The following CMTM4 variants were observed in gnomAD, a reference collection of about 807,000 sequenced individuals.
CMTM4 encodes the protein CKLF like MARVEL transmembrane domain containing 4.
In CMTM4, 8 loss-of-function variants were observed where a neutral mutation model predicts 19.0. The ratio of observed to expected loss-of-function variants is 0.42; its 90% confidence interval spans 0.25 to 0.76. CMTM4 has a LOEUF of 0.76. Among genes scored for constraint, CMTM4 ranks in the 30% least tolerant of loss-of-function variants. The probability of loss-of-function intolerance (pLI) is 0.27; values close to 1 mark genes in which losing one functional copy is unlikely to be tolerated. For synonymous variants in CMTM4, 106 were observed against 121.1 expected (o/e 0.88, Z 0.82); for missense variants, 228 against 290.2 (o/e 0.79, Z 1.56).
intron 1 of CMTM4, among the ~76,000 whole-genome samples, chr16:66,681,231 G>T (rs1196539034): frequency 6.6e-6 from 1 of 151,636 alleles, no homozygotes; most frequent in Non-Finnish European, 1.5e-5. Flanking sequence ...CTCTATAAAG[G>T]AAAAACAAAT....
At position 66,696,295 on chromosome 16, in the gene CMTM4, C is replaced by T. The variant is rs1443385686; in HGVS notation, c.186+45G>A. The T allele has an allele frequency of 1.6e-6, 2 of 1,257,040 alleles. No individual in the cohort carries two copies. Among genetic ancestry groups the T allele is most frequent in the East Asian group, 3.4e-5 (1 of 29,782 alleles). 77.9% of individuals were successfully genotyped at this position (1,257,040 alleles called of 1,614,324 possible). A position where few individuals can be genotyped will look rare whatever the true frequency, so the allele number is the denominator to read the frequency against. ...GCAGCGGGGCGGGGAGGGAGGCGTGCGGCTAGGCCGCCCTCGGGCACCTGG... is the reference window on the plus strand; with the variant it reads ...GCAGCGGGGCGGGGAGGGAGGCGTGTGGCTAGGCCGCCCTCGGGCACCTGG... On this transcript the variant is annotated intron_variant, in intron 1 of 3. Transcript: ENST00000394106. This position sits in a 1 kb window ranked among gnomAD's most constrained non-coding sequence, Gnocchi z 4.3.
At chr16:66,682,490 T>A (rs2016934252) in intron 1 of CMTM4, among the ~76,000 whole-genome samples, 1 of 152,176 alleles carries the variant, frequency 6.6e-6, no homozygotes. Context: ...ACTGCACCAG[T>A]CATCAAATCG....
intron 1 of CMTM4, among the ~76,000 whole-genome samples, chr16:66,643,413 A>G (rs2016132388): frequency 6.6e-6 from 1 of 152,218 alleles, no homozygotes. Context: ...CCCAAACTTC[A>G]TGAGATAAAC....
chr16:66,617,993 G>A lies in CMTM4; in HGVS notation c.*4065C>T. The A allele has an allele frequency of 2.0e-6, 2 of 985,654 alleles. No individual in the cohort carries two copies. Among genetic ancestry groups the A allele is most frequent in the Non-Finnish European group, 2.4e-6 (2 of 830,112 alleles). The allele number at this position is 985,654 out of a possible 1,614,324, so 61.1% of individuals were successfully genotyped here. On this transcript the variant is annotated 3_prime_UTR_variant, in exon 4 of 4. Coordinates refer to ENST00000394106, the MANE Select transcript of CMTM4 (RefSeq NM_181521.3). ...AGTGCTGATAGCAGACAGGTGGGGT[G>A]TTCCAGGCCACTGCTTCCTCCCTTA...
chr16:66,647,424 C>A (rs2144832748), intron 1 of CMTM4, among the ~76,000 whole-genome samples: 1 of 151,598 alleles, frequency 6.6e-6, no homozygotes, highest in South Asian at 2.1e-4. Flanking sequence ...CAGATTTAAT[C>A]TTGTCAGTCA....
At chr16:66,693,223 A>T (rs35597021) in intron 1 of CMTM4, among the ~76,000 whole-genome samples, 103,946 of 150,848 alleles carry the variant, frequency 0.69, 36,646 homozygotes, top group African/African-American at 0.85. Flanking sequence ...AAAGTCTAAC[A>T]CAAAGAAAAA....
At chr16:66,626,674 G>A (rs972246558) in intron 2 of CMTM4, among the ~76,000 whole-genome samples, 1 of 151,896 alleles carries the variant, frequency 6.6e-6, no homozygotes, top group Non-Finnish European at 1.5e-5. Context: ...GGAGGCTGAG[G>A]CAGAAGAACT....
chr16:66,605,982 A>G, the CMTM4 span, among the ~76,000 whole-genome samples: 3 of 151,906 alleles, frequency 2.0e-5, no homozygotes, highest in African/African-American at 4.8e-5. The surrounding 1 kb of genome is among the most constrained non-coding windows in gnomAD (Gnocchi z 4.6). Context: ...GAGCCACTTG[A>G]GGGGAGAAGC....
At chr16:66,599,638 G>C in the CMTM4 span, among the ~76,000 whole-genome samples, 1 of 152,050 alleles carries the variant, frequency 6.6e-6, no homozygotes, top group Non-Finnish European at 1.5e-5. Context: ...TGTGCTATTA[G>C]GCATGAACCA....
rs370418115 is a variant in CMTM4, at chr16:66,622,151, G to A, written c.534C>T (p.Ser178=). Residue 178 remains serine (S), a synonymous_variant, in exon 4 of 4, where the codon AGC becomes AGT. Transcript: ENST00000394106. The surrounding 1 kb of genome is among the most constrained non-coding windows in gnomAD (Gnocchi z 4.0). ...TFLAVQKWRV[S]VRQQSTNDYI... ...AGTCATTGGTGCTCTGCTGGCGGACGCTGACTCTCCATTTCTGCACTGCCA... is the reference window on the plus strand; with the variant it reads ...AGTCATTGGTGCTCTGCTGGCGGACACTGACTCTCCATTTCTGCACTGCCA... The A allele has an allele frequency of 1.5e-5, 25 of 1,613,478 alleles. No homozygotes were observed. The Middle Eastern group carries it at 4.9e-4, about 32-fold the overall frequency.
chr16:66,688,612 A>G (rs956530737), intron 1 of CMTM4, among the ~76,000 whole-genome samples: 1 of 152,174 alleles, frequency 6.6e-6, no homozygotes, highest in African/African-American at 2.4e-5. Context: ...ACATACCTCC[A>G]TAAACCATCA....
At chr16:66,607,504 C>A in the CMTM4 span, among the ~76,000 whole-genome samples, 4 of 152,226 alleles carry the variant, frequency 2.6e-5, no homozygotes, top group Non-Finnish European at 5.9e-5. Context: ...GGCATTTTAT[C>A]TTTTAACACA....
intron 1 of CMTM4, among the ~76,000 whole-genome samples, chr16:66,648,886 C>T (rs745419887): frequency 1.3e-5 from 2 of 152,024 alleles, no homozygotes; most frequent in South Asian, 2.1e-4. Context: ...GCAGGAGAAT[C>T]GCTTGAACCC....
chr16:66,656,456 C>CA (rs992264962), intron 1 of CMTM4, among the ~76,000 whole-genome samples: 36 of 152,208 alleles, frequency 2.4e-4, no homozygotes, highest in African/African-American at 8.2e-4. Context: ...CTCTGCCTCT[C>CA]AGTCTCAAAA....
intron 1 of CMTM4, among the ~76,000 whole-genome samples, chr16:66,676,940 C>A (rs1212907175): frequency 6.6e-6 from 1 of 152,190 alleles, no homozygotes; most frequent in Non-Finnish European, 1.5e-5. Context: ...TCGCAGGACA[C>A]CAATCAGAAC....
chr16:66,636,749 T>G (rs2015999568), intron 1 of CMTM4, among the ~76,000 whole-genome samples, 168 bp from the exon 2 acceptor site: 1 of 152,134 alleles, frequency 6.6e-6, no homozygotes, highest in African/African-American at 2.4e-5. Context: ...AATTCTTACC[T>G]AAAGAATAGG....
intron 1 of CMTM4, among the ~76,000 whole-genome samples, chr16:66,672,988 C>T (rs2016739727): frequency 6.8e-6 from 1 of 146,930 alleles, no homozygotes; most frequent in Non-Finnish European, 1.5e-5. Flanking sequence ...CGGCTCACCA[C>T]AACCTCAGCC....
At chr16:66,612,757 C>A, downstream of CMTM4, 1 of 956,322 alleles carries the variant, frequency 1.0e-6, no homozygotes, top group Non-Finnish European at 1.6e-6. The surrounding 1 kb of genome is among the most constrained non-coding windows in gnomAD (Gnocchi z 6.0). Context: ...GCTGCGGACA[C>A]AGCAGGCCCC....
the CMTM4 span, among the ~76,000 whole-genome samples, chr16:66,600,033 T>C: frequency 6.6e-6 from 1 of 152,182 alleles, no homozygotes; most frequent in Non-Finnish European, 1.5e-5. Context: ...TAGTGAATTG[T>C]CTGTTCAAAT....
Sources: allele counts gnomAD v4.1 joint callset (sites outside exome capture counted in the v4.1 genomes callset), GRCh38; gene constraint gnomAD v4.1.1; non-coding constraint Gnocchi (gnomAD v3.1); transcripts MANE v1.5; gene names NCBI Gene and HGNC (gene_info 2026-07-23, HGNC 2026-07-21).